USP34: variants seen among roughly 807,000 people sequenced by gnomAD.
USP34 encodes the protein ubiquitin specific peptidase 34.
In USP34, 70 loss-of-function variants were observed where a neutral mutation model predicts 460.3. The ratio of observed to expected loss-of-function variants is 0.15; its 90% CI spans 0.13 to 0.19. The LOEUF is 0.19. Among genes scored for constraint, USP34 ranks in the 10% least tolerant of loss-of-function variants. The pLI, the probability that USP34 is intolerant of heterozygous loss-of-function variation, is 1.00. For missense variants in USP34, 3,985 were observed against 4,236.2 expected (o/e 0.94, Z 1.65); for synonymous variants, 1,647 against 1,405.3 (o/e 1.17, Z -3.85).
intron 43 of USP34, 72 bp downstream of exon 43, chr2:61,265,325 A>C: frequency 6.7e-7 from 1 of 1,493,000 alleles, no homozygotes; most frequent in Non-Finnish European, 9.0e-7. Flanking sequence ...TACTACATTG[A>C]AATAAAAATT....
intron 1 of USP34, among the ~76,000 whole-genome samples, chr2:61,438,279 A>C (rs1441634224): frequency 6.6e-6 from 1 of 152,194 alleles, no homozygotes; most frequent in Non-Finnish European, 1.5e-5. Flanking sequence ...AGAATCGGAA[A>C]AAGCATTTGA....
intron 62 of USP34, among the ~76,000 whole-genome samples, chr2:61,226,073 C>T (rs1255519708): frequency 1.3e-5 from 2 of 152,184 alleles, no homozygotes; most frequent in Non-Finnish European, 2.9e-5. Context: ...TCAAGCCATC[C>T]ACCTCATCCT....
chr2:61,466,865 C>A (rs972521244), intron 1 of USP34, among the ~76,000 whole-genome samples: 1 of 150,434 alleles, frequency 6.6e-6, no homozygotes, highest in Non-Finnish European at 1.5e-5. Flanking sequence ...CTAGCCGACA[C>A]TGCATTCCAG....
intron 2 of USP34, among the ~76,000 whole-genome samples, chr2:61,408,732 C>A (rs1164707776): frequency 6.6e-6 from 1 of 151,772 alleles, no homozygotes; most frequent in African/African-American, 2.4e-5. Flanking sequence ...CTCTTCTCTA[C>A]TAAAAATAAA....
intron 5 of USP34, among the ~76,000 whole-genome samples, chr2:61,387,079 G>T (rs1693169866): frequency 6.6e-6 from 1 of 152,178 alleles, no homozygotes; most frequent in East Asian, 1.9e-4. Flanking sequence ...TTTTGCAAAT[G>T]GGCGAGAGAT....
intron 76 of USP34, chr2:61,191,388 G>GAT (rs1394108252): frequency 6.7e-6 from 1 of 149,418 alleles, no homozygotes; most frequent in African/African-American, 2.5e-5. Context: ...ACAAAATTTA[G>GAT]ATTATATATA....
chr2:61,281,083 A>G lies in USP34; in HGVS notation c.5151+7T>C. 1 of 1,612,644 alleles carries G rather than the reference A, an allele frequency of 6.2e-7. No homozygotes were observed. Among genetic ancestry groups the G allele is most frequent in the East Asian group, 2.2e-5 (1 of 44,848 alleles). ...AGAAACTGCTTCTAAACACAGTAAAATCTTACCCTAATAGGTTTGAGTGCT... is the reference window on the plus strand; with the variant it reads ...AGAAACTGCTTCTAAACACAGTAAAGTCTTACCCTAATAGGTTTGAGTGCT... On this transcript the variant is annotated splice_region_variant and intron_variant, in intron 38 of 79. Coordinates refer to ENST00000398571, the MANE Select transcript of USP34 (RefSeq NM_014709.4).
chr2:61,459,455 C>G (rs529450620), intron 1 of USP34, among the ~76,000 whole-genome samples: 1 of 152,238 alleles, frequency 6.6e-6, no homozygotes, highest in Admixed American at 6.5e-5. Flanking sequence ...ATGACACCAC[C>G]TCCTAAAATT....
At chr2:61,332,343 C>T (rs752798839) in intron 19 of USP34, among the ~76,000 whole-genome samples, 2 of 151,964 alleles carry the variant, frequency 1.3e-5, no homozygotes, top group Non-Finnish European at 2.9e-5. Flanking sequence ...CACAGGAGTT[C>T]TTTTAAGTGA....
At chr2:61,206,909 G>T (rs948945323) in intron 70 of USP34, 23 bp from the exon 71 acceptor site, 2 of 1,605,776 alleles carry the variant, frequency 1.2e-6, no homozygotes, top group African/African-American at 1.3e-5. Flanking sequence ...TGAAAAAATT[G>T]AAAACTTAAT....
At chr2:61,322,019 G>A (rs1003100253) in intron 21 of USP34, among the ~76,000 whole-genome samples, 6 of 152,002 alleles carry the variant, frequency 3.9e-5, no homozygotes, top group African/African-American at 7.2e-5. Context: ...ACCTGAGGTC[G>A]GGAGTTCGAG....
At chr2:61,226,180 A>T (rs1687720328) in intron 62 of USP34, among the ~76,000 whole-genome samples, 1 of 152,182 alleles carries the variant, frequency 6.6e-6, no homozygotes, top group African/African-American at 2.4e-5. Context: ...TATACAAAAA[A>T]TTTTCACAGC....
At chr2:61,399,860 G>C (rs1481070527) in intron 3 of USP34, among the ~76,000 whole-genome samples, 29 of 64,756 alleles carry the variant, frequency 4.5e-4, no homozygotes, top group African/African-American at 1.6e-3. Flanking sequence ...GCAACAGTGC[G>C]AGACACTGTC....
chr2:61,203,092 G>A (rs772561443), intron 75 of USP34, 48 bp downstream of exon 75: 4 of 1,454,160 alleles, frequency 2.8e-6, no homozygotes, highest in South Asian at 1.6e-5. Flanking sequence ...GAATGACTAG[G>A]GGCTTAAAAT....
chr2:61,469,432 A>G (rs995794523), intron 1 of USP34, among the ~76,000 whole-genome samples: 4 of 152,212 alleles, frequency 2.6e-5, no homozygotes, highest in Admixed American at 2.6e-4. Context: ...TAATCTTAAA[A>G]TTCTAGGATA....
At position 61,280,309 on chromosome 2, in the gene USP34, A is replaced by T; in HGVS notation, c.5191T>A (p.Cys1731Ser). 1.3e-6 allele frequency: 2 copies of T among 1,560,274 alleles called. No individual in the cohort carries two copies. The highest frequency in any genetic ancestry group is 1.7e-6 in the Non-Finnish European group (2 of 1,155,184). ...CATAACAACCAAAAATACTCTTTACATCCTGGTTTTAATATTGGTTCTTCC... is the reference window on the plus strand; with the variant it reads ...CATAACAACCAAAAATACTCTTTACTTCCTGGTTTTAATATTGGTTCTTCC... Reference protein sequence around the residue: ...YEEEPILKPGCKEYFWLLCKL... With the variant: ...YEEEPILKPGSKEYFWLLCKL... Residue 1731 changes from cysteine to serine, a missense_variant, in exon 39 of 80, where the codon TGT (cysteine) becomes AGT (serine). Cys to Ser is a moderately radical substitution (Grantham distance 112, BLOSUM62 -1). This residue lies in a region of USP34 where 1,114 missense variants were observed against 1,122.5 expected (regional missense o/e 0.99). Transcript: ENST00000398571.
rs1325842490 is a variant in USP34, at chr2:61,267,185, T to G, written c.5434-1018A>C. ...TCGCCTTGACACCTTTTTCTTTTCA[T>G]GATTTTGCTTTGTATCATTTTGCTG... On this transcript the variant is annotated intron_variant, in intron 41 of 79. Transcript: ENST00000398571. Among the ~76,000 whole-genome samples the G allele has an allele frequency of 2.6e-5, 4 of 152,338 alleles. No individual in the cohort carries two copies. In the East Asian group the frequency reaches 7.7e-4, roughly 29 times the overall value.
At chr2:61,310,848 G>T (rs1690569825) in intron 27 of USP34, among the ~76,000 whole-genome samples, 1 of 151,996 alleles carries the variant, frequency 6.6e-6, no homozygotes, top group African/African-American at 2.4e-5. Flanking sequence ...AGTAGTATAT[G>T]GAAATTTAAA....
In USP34 at chr2:61,248,547, C is replaced by T; in HGVS notation, c.6358G>A (p.Glu2120Lys). The change falls in exon 49 of 80, where the codon GAA (glutamate) becomes AAA (lysine). Residue 2120 changes from glutamate to lysine, a missense_variant. Physicochemically the swap from Glu to Lys is moderately conservative, Grantham distance 56. This residue lies in a region of USP34 where 70 missense variants were observed against 78.1 expected (regional missense o/e 0.90). Transcript: ENST00000398571. ...PLRLDMTPYT[E>K]DFLMGKSERK... ...TCACTCTTTCCCATAAGAAAATCTTCTGTATAGGGCGTCATGTCCAAACGT... is the reference window on the plus strand; with the variant it reads ...TCACTCTTTCCCATAAGAAAATCTTTTGTATAGGGCGTCATGTCCAAACGT... The T allele has an allele frequency of 6.3e-7, 1 of 1,588,552 alleles. No homozygotes were observed. The highest frequency in any genetic ancestry group is 8.6e-7 in the Non-Finnish European group (1 of 1,165,962).
Sources: allele counts gnomAD v4.1 joint callset (sites outside exome capture counted in the v4.1 genomes callset), GRCh38; gene constraint gnomAD v4.1.1; regional missense constraint gnomAD v4.1.1; transcripts MANE v1.5; gene names NCBI Gene and HGNC (gene_info 2026-07-23, HGNC 2026-07-21).